The following GRM8 variants were observed in gnomAD, a reference collection of about 807,000 sequenced individuals.
GRM8 encodes glutamate metabotropic receptor 8, also known as metabotropic glutamate receptor 8.
GRM8 carries 47 observed loss-of-function variants against 87.2 expected under a neutral mutation model. The observed-to-expected ratio is 0.54, with a 90% CI of 0.43 to 0.69. The LOEUF is 0.69. Ranked by LOEUF, GRM8 falls within the 30% of genes least tolerant of loss-of-function variation. GRM8 has a pLI of 0.00. For missense variants in GRM8, 1,019 were observed against 1,139.2 expected (o/e 0.89, Z 1.52); for synonymous variants, 396 against 404.5 (o/e 0.98, Z 0.25).
intron 6 of GRM8, among the ~76,000 whole-genome samples, chr7:126,831,569 G>T (rs1157897249): frequency 6.6e-6 from 1 of 152,202 alleles, no homozygotes; most frequent in Non-Finnish European, 1.5e-5. Flanking sequence ...CAGTATTTGG[G>T]TGGGAGTGGC....
chr7:127,041,804 G>A (rs1049938204), intron 3 of GRM8, among the ~76,000 whole-genome samples: 2 of 152,200 alleles, frequency 1.3e-5, no homozygotes, highest in Non-Finnish European at 2.9e-5. Context: ...ATGGAAACTA[G>A]CTTAGTGCTG....
chr7:126,520,167 G>A (rs564798089), intron 9 of GRM8, among the ~76,000 whole-genome samples: 13 of 152,120 alleles, frequency 8.5e-5, no homozygotes, highest in African/African-American at 3.1e-4. Flanking sequence ...TGTTGACAGA[G>A]TCTAAACAGG....
chr7:127,182,632 GGTGTGTGTGTGTGTGTGTGT>G (rs35530710), intron 2 of GRM8, among the ~76,000 whole-genome samples: 2,422 of 141,764 alleles, frequency 0.017, 60 homozygotes, highest in African/African-American at 0.055. Flanking sequence ...AAGAAAGTGT[GGTGTGTGTGTGTGTGTGTGT>G]GTGTGTGTGT....
intron 10 of GRM8, among the ~76,000 whole-genome samples, chr7:126,441,802 A>C (rs2150446820): frequency 6.6e-6 from 1 of 152,120 alleles, no homozygotes; most frequent in East Asian, 1.9e-4. Flanking sequence ...GATAGCCCTA[A>C]GAAGTGCTAC....
chr7:126,981,522 C>T (rs958067178), intron 3 of GRM8, among the ~76,000 whole-genome samples: 1 of 152,152 alleles, frequency 6.6e-6, no homozygotes, highest in Non-Finnish European at 1.5e-5. Flanking sequence ...AAAGTGCTAG[C>T]TCAAGTCACT....
intron 7 of GRM8, among the ~76,000 whole-genome samples, chr7:126,746,046 G>A (rs1487136248): frequency 6.6e-6 from 1 of 151,340 alleles, no homozygotes; most frequent in Non-Finnish European, 1.5e-5. Context: ...AGTCACAAAG[G>A]GGCCATTATA....
At chr7:127,232,183 T>TGTGTG (rs1797724452) in intron 2 of GRM8, among the ~76,000 whole-genome samples, 8 of 129,756 alleles carry the variant, frequency 6.2e-5, no homozygotes, top group African/African-American at 2.2e-4. Context: ...TGTTTCTTCT[T>TGTGTG]TGTGTGTGTG....
chr7:126,939,324 A>G (rs1395094014), intron 3 of GRM8, among the ~76,000 whole-genome samples: 1 of 152,224 alleles, frequency 6.6e-6, no homozygotes. Flanking sequence ...ACCCTTATTT[A>G]GCTGAGTCCA....
At chr7:126,620,691 C>G (rs75551564) in intron 7 of GRM8, among the ~76,000 whole-genome samples, 1 of 151,512 alleles carries the variant, frequency 6.6e-6, no homozygotes, top group Non-Finnish European at 1.5e-5. Flanking sequence ...CCTTCCTAAA[C>G]TGTTGCATGA....
rs200316549 is a variant in GRM8, at chr7:126,829,832, G to A, written c.1157-59767C>T. The stretch of plus-strand genomic sequence containing the variant: ...TTATATTTTGGCATGATTTTGCAGC[G>A]GCTGGTACCGGTTGTGCCTTTCCAT... On this transcript the variant is annotated intron_variant, in intron 6 of 10. Coordinates refer to ENST00000339582, the MANE Select transcript of GRM8 (RefSeq NM_000845.3). 1.3e-4 allele frequency among the ~76,000 whole-genome samples: 20 copies of A among 152,038 alleles called. No homozygotes were observed. The East Asian group carries it at 1.9e-3, about 15-fold the overall frequency.
chr7:126,802,295 A>G (rs1822802778), intron 6 of GRM8, among the ~76,000 whole-genome samples: 2 of 152,122 alleles, frequency 1.3e-5, no homozygotes. Flanking sequence ...TTACTTCTCC[A>G]TATCTAACTT....
intron 2 of GRM8, among the ~76,000 whole-genome samples, chr7:127,225,012 A>T (rs1404603867): frequency 6.6e-6 from 1 of 152,224 alleles, no homozygotes; most frequent in Non-Finnish European, 1.5e-5. Flanking sequence ...AAGCCATGTC[A>T]AAAGATACAC....
At position 127,024,326 on chromosome 7, in the gene GRM8, A is replaced by G. The variant is rs1816564973; in HGVS notation, c.727+82170T>C. 2.0e-5 allele frequency among the ~76,000 whole-genome samples: 3 copies of G among 152,228 alleles called. No homozygotes were observed. The South Asian group carries it at 6.2e-4, about 32-fold the overall frequency. ...AATATTTTAATAGCAATTATTTCAC[A>G]ATTGCTATGAAGCTAAGGGAGACAG... is the stretch of plus-strand genomic sequence containing the variant. On this transcript the variant is annotated intron_variant, in intron 3 of 10. Coordinates refer to ENST00000339582, the MANE Select transcript of GRM8 (RefSeq NM_000845.3).
At chr7:126,444,105 AAAC>A (rs1801749142) in intron 10 of GRM8, among the ~76,000 whole-genome samples, 2 of 152,016 alleles carry the variant, frequency 1.3e-5, no homozygotes, top group Non-Finnish European at 2.9e-5. Flanking sequence ...AAAACAGGTA[AAAC>A]AATAGACTCT....
chr7:127,018,124 C>T (rs1815872046), intron 3 of GRM8, among the ~76,000 whole-genome samples: 1 of 151,836 alleles, frequency 6.6e-6, no homozygotes, highest in Non-Finnish European at 1.5e-5. Flanking sequence ...TACACACATA[C>T]AGACCAATAA....
intron 7 of GRM8, among the ~76,000 whole-genome samples, chr7:126,659,113 C>G (rs1424431833): frequency 7.0e-6 from 1 of 143,758 alleles, no homozygotes; most frequent in South Asian, 2.3e-4. Context: ...TCCTTGTTAT[C>G]TACTCTTAGA....
chr7:127,129,092 A>T (rs959127743), intron 2 of GRM8, among the ~76,000 whole-genome samples: 1 of 152,206 alleles, frequency 6.6e-6, no homozygotes, highest in African/African-American at 2.4e-5. Context: ...CGAATAAATG[A>T]TATGTAGGAA....
chr7:126,929,569 G>A (rs1174049963), intron 3 of GRM8, among the ~76,000 whole-genome samples: 1 of 152,082 alleles, frequency 6.6e-6, no homozygotes, highest in East Asian at 1.9e-4. Context: ...GCATAGCTGG[G>A]ACTGCAGGCA....
At chr7:127,028,217 C>T in intron 3 of GRM8, among the ~76,000 whole-genome samples, 1 of 152,178 alleles carries the variant, frequency 6.6e-6, no homozygotes, top group East Asian at 1.9e-4. Flanking sequence ...CTTTGATGTG[C>T]TGCTGGATTC....
Sources: gnomAD v4.1 joint callset for allele counts (sites outside exome capture counted in the v4.1 genomes callset) on GRCh38, gnomAD v4.1.1 for gene constraint, MANE v1.5 for transcripts, NCBI Gene and HGNC (gene_info 2026-07-23, HGNC 2026-07-21) for gene names.